The following TMTC2 variants were observed in gnomAD, a reference collection of about 807,000 sequenced individuals.
TMTC2 encodes the protein transmembrane O-mannosyltransferase targeting cadherins 2.
In TMTC2, 43 loss-of-function variants were observed where a neutral mutation model predicts 82.4. The observed-to-expected ratio is 0.52, with a 90% CI of 0.41 to 0.67. TMTC2 has a LOEUF of 0.67. Ranked by LOEUF, TMTC2 falls within the 30% of genes least tolerant of loss-of-function variation. The probability of loss-of-function intolerance (pLI) is 0.00; values close to 1 mark genes in which losing one functional copy is unlikely to be tolerated. For synonymous variants in TMTC2, 408 were observed against 381.9 expected, an observed-to-expected ratio of 1.07 and a Z score of -0.80; for missense variants, 919 against 1,012.4, an observed-to-expected ratio of 0.91 and a Z score of 1.25.
chr12:82,907,245 T>C (rs571481090), intron 3 of TMTC2, among the ~76,000 whole-genome samples: 1 of 151,956 alleles, frequency 6.6e-6, no homozygotes. Context: ...GGGTGAATCA[T>C]GAGGTCAGGA....
At chr12:82,836,563 C>G (rs1196400867) in intron 1 of TMTC2, among the ~76,000 whole-genome samples, 3 of 152,104 alleles carry the variant, frequency 2.0e-5, no homozygotes, top group Non-Finnish European at 2.9e-5. Flanking sequence ...ACTAGATTCT[C>G]CCCTAGAGCC....
At chr12:82,745,330 C>G (rs187071291) in intron 1 of TMTC2, among the ~76,000 whole-genome samples, 1 of 152,222 alleles carries the variant, frequency 6.6e-6, no homozygotes, top group East Asian at 1.9e-4. Context: ...ACAACTGTCA[C>G]AAAGAATGCT....
At chr12:83,118,128 ACTTCCT>A (rs1884827392) in intron 11 of TMTC2, among the ~76,000 whole-genome samples, 1 of 152,028 alleles carries the variant, frequency 6.6e-6, no homozygotes, top group African/African-American at 2.4e-5. Flanking sequence ...TGACAGTTTG[ACTTCCT>A]CTTTACCGAT....
intron 1 of TMTC2, among the ~76,000 whole-genome samples, chr12:82,791,922 CAACT>C (rs138034025): frequency 0.016 from 2,408 of 152,254 alleles, 58 homozygotes; most frequent in African/African-American, 0.054. Flanking sequence ...TCTCCTACCC[CAACT>C]GTTACCGTTC....
At chr12:83,118,120 A>G (rs1884826610) in intron 11 of TMTC2, among the ~76,000 whole-genome samples, 1 of 152,062 alleles carries the variant, frequency 6.6e-6, no homozygotes, top group East Asian at 1.9e-4. Context: ...GCAAACAGTG[A>G]CAGTTTGACT....
At chr12:82,990,746 T>C (rs1385151764) in intron 8 of TMTC2, among the ~76,000 whole-genome samples, 1 of 152,158 alleles carries the variant, frequency 6.6e-6, no homozygotes, top group Non-Finnish European at 1.5e-5. Flanking sequence ...CCTGTACCCA[T>C]GTGCCTTTTC....
chr12:82,791,371 G>A (rs1878461191), intron 1 of TMTC2, among the ~76,000 whole-genome samples: 1 of 152,034 alleles, frequency 6.6e-6, no homozygotes, highest in African/African-American at 2.4e-5. Context: ...TAAATCAAAT[G>A]TTATATATAT....
chr12:82,754,102 A>G (rs1168156358), intron 1 of TMTC2, among the ~76,000 whole-genome samples: 1 of 152,248 alleles, frequency 6.6e-6, no homozygotes, highest in Non-Finnish European at 1.5e-5. Flanking sequence ...GATATCTACT[A>G]ACATTTCTGC....
intron 1 of TMTC2, among the ~76,000 whole-genome samples, chr12:82,767,236 A>G (rs1189685093): frequency 6.6e-6 from 1 of 152,008 alleles, no homozygotes; most frequent in African/African-American, 2.4e-5. Flanking sequence ...TAGCTTTTTA[A>G]TTTCTCTTTT....
At position 82,770,726 on chromosome 12, in the gene TMTC2, G is replaced by C. The variant is rs886924367; in HGVS notation, c.83+83057G>C. 3.4e-4 allele frequency among the ~76,000 whole-genome samples: 51 copies of C among 152,234 alleles called. 1 individual carries two copies. Among genetic ancestry groups the C allele is most frequent in the African/African-American group, 1.2e-3 (50 of 41,544 alleles). ...AGACAGGAACTTCTGGGCTCAAGTA[G>C]TCCTCCTTCTTCAGCCTCTGGAGTT... is the stretch of plus-strand genomic sequence containing the variant. On this transcript the variant is annotated intron_variant, in intron 1 of 11. Coordinates refer to ENST00000321196, the MANE Select transcript of TMTC2 (RefSeq NM_152588.3).
chr12:83,044,865 A>T (rs1343430399), intron 9 of TMTC2, among the ~76,000 whole-genome samples: 7 of 152,252 alleles, frequency 4.6e-5, no homozygotes, highest in African/African-American at 1.7e-4. Flanking sequence ...TTAGTAAAAA[A>T]TGCCAGTCAC....
intron 1 of TMTC2, among the ~76,000 whole-genome samples, chr12:82,815,606 A>G (rs964743329): frequency 2.0e-5 from 3 of 151,882 alleles, no homozygotes; most frequent in Non-Finnish European, 2.9e-5. Context: ...TTCAAGGTTT[A>G]TTGATGTTGG....
chr12:82,930,648 C>T (rs749818657), intron 4 of TMTC2, 103 bp downstream of exon 4: 1 of 627,752 alleles, frequency 1.6e-6, no homozygotes, highest in Non-Finnish European at 2.7e-6. Flanking sequence ...AGCTATTGTC[C>T]TGAAATAGTC....
chr12:82,990,010 T>C (rs1359290623), intron 8 of TMTC2, among the ~76,000 whole-genome samples: 1 of 152,154 alleles, frequency 6.6e-6, no homozygotes, highest in African/African-American at 2.4e-5. Flanking sequence ...ATAGCTTTTG[T>C]CTAATTTGGG....
chr12:82,848,187 G>A (rs1487552233), intron 1 of TMTC2, among the ~76,000 whole-genome samples: 1 of 152,044 alleles, frequency 6.6e-6, no homozygotes, highest in Non-Finnish European at 1.5e-5. Context: ...AGTTATTCCT[G>A]CTGCTCCATC....
chr12:82,981,151 G>A (rs1038649030), intron 7 of TMTC2, among the ~76,000 whole-genome samples: 1 of 151,868 alleles, frequency 6.6e-6, no homozygotes, highest in Admixed American at 6.6e-5. Context: ...TAGGAGTTGA[G>A]GAAGGGATAA....
chr12:82,734,973 A>G (rs1243621518), intron 1 of TMTC2, among the ~76,000 whole-genome samples: 1 of 152,228 alleles, frequency 6.6e-6, no homozygotes, highest in Non-Finnish European at 1.5e-5. Context: ...GTTTGTATCA[A>G]GAGAGCCCAC....
chr12:82,914,448 C>T (rs1442918558), intron 3 of TMTC2, among the ~76,000 whole-genome samples: 4 of 152,020 alleles, frequency 2.6e-5, no homozygotes, highest in Non-Finnish European at 5.9e-5. Flanking sequence ...CCCTGATGTA[C>T]TATATTTGAG....
chr12:83,121,981 G>A (rs2137561842), intron 11 of TMTC2, among the ~76,000 whole-genome samples: 1 of 152,204 alleles, frequency 6.6e-6, no homozygotes, highest in East Asian at 1.9e-4. Flanking sequence ...CGATCTGAAG[G>A]GCCGGTCTGA....
Sources: gnomAD v4.1 joint callset for allele counts (sites outside exome capture counted in the v4.1 genomes callset) on GRCh38, gnomAD v4.1.1 for gene constraint, MANE v1.5 for transcripts, NCBI Gene and HGNC (gene_info 2026-07-23, HGNC 2026-07-21) for gene names.